Variants in CCDC40 observed in about 807,000 individuals in gnomAD.
CCDC40 encodes coiled-coil domain-containing protein 40.
Under a neutral mutation model 124.5 loss-of-function variants are expected in CCDC40, and 104 were observed. The ratio of observed to expected loss-of-function variants is 0.84; its 90% confidence interval spans 0.71 to 0.98. The LOEUF (loss-of-function observed/expected upper bound fraction) is 0.98, where lower values mean the gene tolerates loss of function less well. Among genes scored for constraint, CCDC40 ranks in the 50% least tolerant of loss-of-function variants. The pLI, the probability that CCDC40 is intolerant of heterozygous loss-of-function variation, is 0.00. For missense variants in CCDC40, 1,463 were observed against 1,503.9 expected, an observed-to-expected ratio of 0.97 and a Z score of 0.45; for synonymous variants, 580 against 602.9, an observed-to-expected ratio of 0.96 and a Z score of 0.56.
At chr17:80,037,720 T>TATATATATATATATATATATATATA (rs1555889200) in intron 1 of CCDC40, among the ~76,000 whole-genome samples, 26 of 141,460 alleles carry the variant, frequency 1.8e-4, no homozygotes, top group Non-Finnish European at 3.1e-4. Flanking sequence ...TATATATATA[T>TATATATATATATATATATATATATA]TCCTGTGCTA....
At chr17:80,060,384 A>T (rs2143656382) in intron 9 of CCDC40, among the ~76,000 whole-genome samples, 1 of 152,112 alleles carries the variant, frequency 6.6e-6, no homozygotes, top group South Asian at 2.1e-4. Context: ...CTCCACAAAA[A>T]AATAATAATT....
At chr17:80,040,929 C>T (rs1368969579) in intron 3 of CCDC40, among the ~76,000 whole-genome samples, 1 of 152,142 alleles carries the variant, frequency 6.6e-6, no homozygotes, top group Non-Finnish European at 1.5e-5. Context: ...AGGAATGGAG[C>T]TTTTAACTGT....
chr17:80,046,532 C>CAAT (rs60431250), intron 3 of CCDC40, among the ~76,000 whole-genome samples: 21,091 of 147,284 alleles, frequency 0.14, 1,776 homozygotes, highest in African/African-American at 0.24. Flanking sequence ...GACCCTTACT[C>CAAT]AATAATAATA....
intron 18 of CCDC40, 64 bp downstream of exon 18, chr17:80,095,515 A>C: frequency 6.5e-7 from 1 of 1,526,974 alleles, no homozygotes; most frequent in Non-Finnish European, 9.0e-7. Context: ...GGAACACTCC[A>C]GGAAGGCGTC....
At chr17:80,037,270 G>A (rs1038509877) in intron 1 of CCDC40, among the ~76,000 whole-genome samples, 1 of 152,214 alleles carries the variant, frequency 6.6e-6, no homozygotes, top group Non-Finnish European at 1.5e-5. Flanking sequence ...AGCACTGAGC[G>A]CGCACAGGGA....
intron 10 of CCDC40, among the ~76,000 whole-genome samples, chr17:80,071,083 G>T (rs879620145): frequency 6.6e-5 from 10 of 152,222 alleles, no homozygotes; most frequent in Admixed American, 2.6e-4. Context: ...GGAGCCCACG[G>T]TCAGCCCCTT....
In CCDC40 at chr17:80,058,029, T is replaced by C. The variant is rs1372209367; in HGVS notation, c.1160-465T>C. Among the ~76,000 whole-genome samples, 1 of 152,228 alleles carries C rather than the reference T, an allele frequency of 6.6e-6. No individual in the cohort carries two copies. The highest frequency in any genetic ancestry group is 1.5e-5 in the Non-Finnish European group (1 of 68,032). On this transcript the variant is annotated intron_variant, in intron 7 of 19. Transcript: ENST00000397545. The surrounding 1 kb of genome is among the most constrained non-coding windows in gnomAD (Gnocchi z 4.2). Reference sequence around the variant, plus strand: ...TCTTCTAGCCTCGTCCTCTCTGGCCTGCACTGCTGTGCAGCGGTGTCAGTG... The same window carrying C: ...TCTTCTAGCCTCGTCCTCTCTGGCCCGCACTGCTGTGCAGCGGTGTCAGTG...
At position 80,058,740 on chromosome 17, in the gene CCDC40, C is replaced by T; in HGVS notation, c.1317+89C>T. The T allele has an allele frequency of 1.2e-6, 2 of 1,603,346 alleles. No homozygotes were observed. ...AGCTTTGCCTCCTGCGTGAAGGCTT[C>T]CGGCCGGAGGGGTGGCGGCCGGCCT... On this transcript the variant is annotated intron_variant, in intron 8 of 19. Coordinates refer to ENST00000397545, the MANE Select transcript of CCDC40 (RefSeq NM_017950.4). The surrounding 1 kb of genome is among the most constrained non-coding windows in gnomAD (Gnocchi z 4.2).
intron 7 of CCDC40, among the ~76,000 whole-genome samples, chr17:80,051,497 C>T (rs947199666): frequency 9.3e-5 from 14 of 150,112 alleles, no homozygotes; most frequent in African/African-American, 3.2e-4. Context: ...GGCGTAGTGG[C>T]GGGCGCCTGT....
chr17:80,087,348 C>T lies in CCDC40; in HGVS notation c.2450-259C>T, dbSNP rs956013558. ...CCTGCCCACACCTGCTGGCTGTCCC[C>T]ACAGGCAGGTCCTCTCAGTTCCGTT... On this transcript the variant is annotated intron_variant, in intron 14 of 19. Transcript: ENST00000397545. The surrounding 1 kb of genome is among the most constrained non-coding windows in gnomAD (Gnocchi z 4.5). The T allele has an allele frequency of 1.9e-6, 1 of 533,048 alleles. No individual in the cohort carries two copies. The highest frequency in any genetic ancestry group is 3.4e-6 in the Non-Finnish European group (1 of 294,562). The allele number at this position is 533,048 out of a possible 1,614,324, so 33.0% of individuals were successfully genotyped here.
At position 80,081,754 on chromosome 17, in the gene CCDC40, C is replaced by A. The variant is rs1268068598; in HGVS notation, c.1771C>A (p.Gln591Lys). 1.2e-6 allele frequency: 2 copies of A among 1,613,920 alleles called. No individual in the cohort carries two copies. Among genetic ancestry groups the A allele is most frequent in the Non-Finnish European group, 1.7e-6 (2 of 1,180,012 alleles). ...GTTCAATACCTACAGGCTCACCCTG[C>A]AGGACACAGAGGATGCCCTCAGCCA... is the stretch of plus-strand genomic sequence containing the variant. The part of the protein sequence containing the change: ...SQFNTYRLTL[Q>K]DTEDALSQDQ... The change falls in exon 11 of 20, where the codon CAG becomes AAG. Residue 591 changes from glutamine to lysine, a missense_variant. Gln to Lys is a moderately conservative substitution (Grantham distance 53). Coordinates refer to ENST00000397545, the MANE Select transcript of CCDC40 (RefSeq NM_017950.4).
intron 10 of CCDC40, among the ~76,000 whole-genome samples, chr17:80,069,419 G>C (rs567520873): frequency 6.6e-6 from 1 of 152,218 alleles, no homozygotes; most frequent in Non-Finnish European, 1.5e-5. Context: ...AACATGAAAC[G>C]TGTTATTCTG....
rs766641440 is a variant in CCDC40, at chr17:80,099,780, C to G, written c.*5C>G. On this transcript the variant is annotated 3_prime_UTR_variant, in exon 20 of 20. Coordinates refer to ENST00000397545, the MANE Select transcript of CCDC40 (RefSeq NM_017950.4). ...GAGTCACCAGGGCCCTCCTAGGGAG[C>G]AGCCTGGACTCCGCCTTGCAAGGCC... The G allele has an allele frequency of 1.9e-6, 3 of 1,612,484 alleles. No individual in the cohort carries two copies. Among genetic ancestry groups the G allele is most frequent in the Non-Finnish European group, 2.5e-6 (3 of 1,179,800 alleles).
Position 80,037,918 on chromosome 17 carries a change from G to A in CCDC40, c.30-205G>A, listed in dbSNP as rs535191988. The A allele has an allele frequency of 5.7e-6, 3 of 526,926 alleles. No individual in the cohort carries two copies. The African/African-American group carries it at 5.8e-5, about 10-fold the overall frequency. 32.6% of individuals were successfully genotyped at this position (526,926 alleles called of 1,614,324 possible). ...ATTATATTTTTCATTCATTCATGGA[G>A]CTTTGCTTTTGTGGCATCTCCGCCA... On this transcript the variant is annotated intron_variant, in intron 1 of 19. Coordinates refer to ENST00000397545, the MANE Select transcript of CCDC40 (RefSeq NM_017950.4).
chr17:80,091,795 G>A (rs4889954), intron 17 of CCDC40, among the ~76,000 whole-genome samples: 100,149 of 151,654 alleles, frequency 0.66, 33,368 homozygotes, highest in Middle Eastern at 0.8. Context: ...TCTAGACTAT[G>A]TTCCCAAAGG....
In CCDC40 at chr17:80,099,881, C is replaced by T; in HGVS notation, c.*106C>T. On this transcript the variant is annotated 3_prime_UTR_variant, in exon 20 of 20. Transcript: ENST00000397545. ...TGTGTTCCTAAAAACCACATGTACC[C>T]TCAGAAGGGCATCGTTTAAGAGAAA... 8.0e-7 allele frequency: 1 copy of T among 1,247,624 alleles called. No individual in the cohort carries two copies. The highest frequency in any genetic ancestry group is 1.9e-5 in the Admixed American group (1 of 51,630). The allele number at this position is 1,247,624 out of a possible 1,614,324, so 77.3% of individuals were successfully genotyped here.
At chr17:80,091,608 ATCTTTAC>A (rs1288656914) in intron 17 of CCDC40, among the ~76,000 whole-genome samples, 11 of 150,262 alleles carry the variant, frequency 7.3e-5, no homozygotes, top group African/African-American at 2.7e-4. Flanking sequence ...GGCAAGAGGG[ATCTTTAC>A]TCTGTTCAAA....
chr17:80,048,991 G>T lies in CCDC40; in HGVS notation c.855+230G>T, dbSNP rs147093302. Among the ~76,000 whole-genome samples the T allele has an allele frequency of 3.9e-5, 6 of 152,226 alleles. No homozygotes were observed. The South Asian group carries it at 1.2e-3, about 32-fold the overall frequency. On this transcript the variant is annotated intron_variant, in intron 5 of 19. Transcript: ENST00000397545. ...TTCTCAACCCCGGAACCACTGCCCC[G>T]TGGGGCCGGGTCATTCTGTGCTGTG... is the stretch of plus-strand genomic sequence containing the variant.
chr17:80,045,162 C>T lies in CCDC40; in HGVS notation c.553-2117C>T, dbSNP rs918378065. 3.3e-5 allele frequency among the ~76,000 whole-genome samples: 5 copies of T among 152,336 alleles called. No homozygotes were observed. In the East Asian group the frequency reaches 5.8e-4, roughly 18 times the overall value. On this transcript the variant is annotated intron_variant, in intron 3 of 19. Transcript: ENST00000397545. ...GGCTGGAGACAGAGACAGCCGGCGC[C>T]GAACATACCTGGGGCTGCCCGTGCA...
Sources: gnomAD v4.1 joint callset for allele counts (sites outside exome capture counted in the v4.1 genomes callset) on GRCh38, gnomAD v4.1.1 for gene constraint, Gnocchi (gnomAD v3.1) non-coding constraint, MANE v1.5 for transcripts, NCBI Gene and HGNC (gene_info 2026-07-23, HGNC 2026-07-21) for gene names.